The following SREBF2 variants were observed in gnomAD, a reference collection of about 807,000 sequenced individuals.
SREBF2 encodes the protein sterol regulatory element-binding protein 2.
Under a neutral mutation model 113.1 loss-of-function variants are expected in SREBF2, and 55 were observed. The observed-to-expected ratio is 0.49, with a 90% CI of 0.39 to 0.61. The LOEUF (loss-of-function observed/expected upper bound fraction) is 0.61. Ranked by LOEUF, SREBF2 falls within the 20% of genes least tolerant of loss-of-function variation. The pLI, the probability that SREBF2 is intolerant of heterozygous loss-of-function variation, is 0.00. For synonymous variants in SREBF2, 593 were observed against 605.7 expected (o/e 0.98, Z 0.31); for missense variants, 1,349 against 1,487.4 (o/e 0.91, Z 1.53).
chr22:41,857,588 C>T (rs1446036207), intron 1 of SREBF2, among the ~76,000 whole-genome samples: 1 of 152,196 alleles, frequency 6.6e-6, no homozygotes, highest in Non-Finnish European at 1.5e-5. Flanking sequence ...AGAATCCGCA[C>T]CTCTCCACCC....
At chr22:41,897,025 A>T in intron 13 of SREBF2, 27 bp from the exon 14 acceptor site, 2 of 1,540,806 alleles carry the variant, frequency 1.3e-6, no homozygotes, top group South Asian at 2.3e-5. Flanking sequence ...GTTTTGATGT[A>T]CATGGGACCC....
Position 41,905,480 on chromosome 22 carries a change from C to G in SREBF2, c.3246C>G (p.Thr1082=), listed in dbSNP as rs371650543. The stretch of plus-strand genomic sequence containing the variant: ...GGCCCGGCCAGCGAGAGCGGGCCAC[C>G]GCCATCCTGCTGGCCTGCCGCCACC... ...DAWPGQRERA[T]AILLACRHLP... The change falls in exon 19 of 19, where the codon ACC becomes ACG. Residue 1082 remains threonine, a synonymous_variant. Coordinates refer to ENST00000361204, the MANE Select transcript of SREBF2 (RefSeq NM_004599.4). The G allele has an allele frequency of 6.3e-7, 1 of 1,579,850 alleles. No homozygotes were observed. Among genetic ancestry groups the G allele is most frequent in the Non-Finnish European group, 8.6e-7 (1 of 1,163,666 alleles).
At chr22:41,890,092 T>A (rs574315156) in intron 11 of SREBF2, among the ~76,000 whole-genome samples, 192 of 152,286 alleles carry the variant, frequency 1.3e-3, no homozygotes, top group African/African-American at 4.4e-3. Context: ...TTATTTATTT[T>A]TTGAGATACA....
chr22:41,885,277 G>T (rs1391965063), intron 11 of SREBF2, among the ~76,000 whole-genome samples: 1 of 152,204 alleles, frequency 6.6e-6, no homozygotes, highest in African/African-American at 2.4e-5. Flanking sequence ...GTAATATGAA[G>T]ATTGGTTCAG....
chr22:41,888,247 T>C (rs2077317775), intron 11 of SREBF2, among the ~76,000 whole-genome samples: 1 of 152,260 alleles, frequency 6.6e-6, no homozygotes, highest in Non-Finnish European at 1.5e-5. Context: ...CTATGTTGTC[T>C]GCTAGACGCT....
intron 4 of SREBF2, among the ~76,000 whole-genome samples, chr22:41,872,107 G>A (rs942665201): frequency 9.9e-5 from 15 of 151,972 alleles, no homozygotes; most frequent in African/African-American, 2.9e-4. Flanking sequence ...AAAATTAGCC[G>A]GGCATGGTGG....
intron 1 of SREBF2, among the ~76,000 whole-genome samples, chr22:41,864,263 C>CATATATATATATATATATATATATAT (rs2077053273): frequency 2.9e-5 from 1 of 34,224 alleles, no homozygotes; most frequent in African/African-American, 1.2e-4. Flanking sequence ...TATATATATA[C>CATATATATATATATATATATATATAT]ACACACACAC....
chr22:41,861,494 T>TA (rs546743530), intron 1 of SREBF2, among the ~76,000 whole-genome samples: 128 of 145,416 alleles, frequency 8.8e-4, no homozygotes, highest in East Asian at 2.8e-3. Context: ...AGACTCCATT[T>TA]AAAAAAAAAA....
At position 41,833,407 on chromosome 22, in the gene SREBF2, G is replaced by A; in HGVS notation, c.88+49G>A. The A allele has an allele frequency of 6.7e-7, 1 of 1,490,270 alleles. No homozygotes were observed. Among genetic ancestry groups the A allele is most frequent in the Non-Finnish European group, 9.0e-7 (1 of 1,108,330 alleles). 92.3% of individuals were successfully genotyped at this position (1,490,270 alleles called of 1,614,324 possible). A position where few individuals can be genotyped will look rare whatever the true frequency, so the allele number is the denominator to read the frequency against. On this transcript the variant is annotated intron_variant, in intron 1 of 18. Coordinates refer to ENST00000361204, the MANE Select transcript of SREBF2 (RefSeq NM_004599.4). This position sits in a 1 kb window ranked among gnomAD's most constrained non-coding sequence, Gnocchi z 4.1. ...GCGGGGGCCGCGCGGGGAGGAAGGG[G>A]TTACGGCGGCGCGCCCGGGTGCGCG...
intron 12 of SREBF2, among the ~76,000 whole-genome samples, chr22:41,893,865 A>G (rs2077386571): frequency 1.3e-5 from 2 of 152,188 alleles, no homozygotes; most frequent in South Asian, 4.1e-4. Context: ...GGATTGACTT[A>G]GACCTTGAGT....
At chr22:41,855,406 G>T (rs2076968640) in intron 1 of SREBF2, among the ~76,000 whole-genome samples, 1 of 151,934 alleles carries the variant, frequency 6.6e-6, no homozygotes, top group South Asian at 2.1e-4. Context: ...GGCACCTGTA[G>T]TCCCAGCTAC....
chr22:41,879,257 A>G (rs1168615086), intron 9 of SREBF2, among the ~76,000 whole-genome samples: 2 of 152,208 alleles, frequency 1.3e-5, no homozygotes, highest in Non-Finnish European at 2.9e-5. Context: ...TTTGAAATGT[A>G]ATATTTGGAA....
intron 2 of SREBF2, 140 bp from the exon 3 acceptor site, chr22:41,868,471 A>G: frequency 1.0e-6 from 1 of 958,618 alleles, no homozygotes; most frequent in Non-Finnish European, 1.7e-6. Flanking sequence ...GCCACCTTGT[A>G]AATGGCTGTG....
intron 11 of SREBF2, among the ~76,000 whole-genome samples, chr22:41,889,865 G>C (rs1044721851): frequency 6.6e-6 from 1 of 151,960 alleles, no homozygotes; most frequent in Non-Finnish European, 1.5e-5. Flanking sequence ...GCCAGGGATC[G>C]TAGCACGCAC....
intron 1 of SREBF2, among the ~76,000 whole-genome samples, chr22:41,844,003 G>A (rs1278851147): frequency 1.5e-5 from 2 of 137,396 alleles, no homozygotes; most frequent in Non-Finnish European, 1.6e-5. Flanking sequence ...TCAACAGAGC[G>A]AGACCCTGTC....
rs1247137243 is a variant in SREBF2, at chr22:41,874,003, T to C, written c.1073T>C (p.Met358Thr). ...DKIIELKDLVMGTDAKMHKSG... is the reference protein window; with the variant it reads ...DKIIELKDLVTGTDAKMHKSG... ...ATCATCGAATTGAAAGACCTGGTCA[T>C]GGGGACAGACGCCAAGGTGGGTGCC... is the stretch of plus-strand genomic sequence containing the variant. Residue 358 changes from methionine (M) to threonine (T), a missense_variant, in exon 5 of 19, where the codon ATG becomes ACG. Met to Thr is a moderately conservative substitution (Grantham distance 81). This residue lies in a region of SREBF2 where 699 missense variants were observed against 843.3 expected (regional missense o/e 0.83). Transcript: ENST00000361204. 4 of 1,614,010 alleles carry C rather than the reference T, an allele frequency of 2.5e-6. No individual in the cohort carries two copies. The highest frequency in any genetic ancestry group is 3.4e-6 in the Non-Finnish European group (4 of 1,180,028).
intron 1 of SREBF2, among the ~76,000 whole-genome samples, chr22:41,837,748 C>T (rs2076791588): frequency 6.6e-6 from 1 of 150,706 alleles, no homozygotes; most frequent in Admixed American, 6.6e-5. Flanking sequence ...ATCCCAGCTA[C>T]TCAGGAGGCT....
chr22:41,837,731 G>T (rs893977274), intron 1 of SREBF2, among the ~76,000 whole-genome samples: 22 of 151,120 alleles, frequency 1.5e-4, no homozygotes, highest in Admixed American at 9.9e-4. Context: ...CGTGGCACAT[G>T]CCTGTAATCC....
At chr22:41,892,446 G>A (rs990031506) in intron 11 of SREBF2, among the ~76,000 whole-genome samples, 5 of 151,950 alleles carry the variant, frequency 3.3e-5, no homozygotes, top group Admixed American at 6.6e-5. Flanking sequence ...TCAAGAGATC[G>A]AGACCATCCT....
Sources: allele counts gnomAD v4.1 joint callset (sites outside exome capture counted in the v4.1 genomes callset), GRCh38; gene constraint gnomAD v4.1.1; regional missense constraint gnomAD v4.1.1; non-coding constraint Gnocchi (gnomAD v3.1); transcripts MANE v1.5; gene names NCBI Gene and HGNC (gene_info 2026-07-23, HGNC 2026-07-21).